PLA2G4A: variants seen among roughly 807,000 people sequenced by gnomAD.
The protein encoded by PLA2G4A is cytosolic phospholipase A2.
In PLA2G4A, 40 loss-of-function variants were observed where a neutral mutation model predicts 81.9. That is an observed-to-expected ratio of 0.49 (90% CI 0.38 to 0.64). PLA2G4A has a LOEUF of 0.64. Ranked by LOEUF, PLA2G4A falls within the 30% of genes least tolerant of loss-of-function variation. The pLI, the probability that PLA2G4A is intolerant of heterozygous loss-of-function variation, is 0.00. For missense variants in PLA2G4A, 715 were observed against 905.1 expected (o/e 0.79, Z 2.69); for synonymous variants, 302 against 296.9 (o/e 1.02, Z -0.18).
At chr1:186,895,348 G>A (rs1654296462) in intron 5 of PLA2G4A, among the ~76,000 whole-genome samples, 2 of 152,180 alleles carry the variant, frequency 1.3e-5, no homozygotes, top group Admixed American at 1.3e-4. Flanking sequence ...GGATGCTCTG[G>A]TCCATGCACT....
At chr1:186,866,256 T>A (rs1170101078) in intron 2 of PLA2G4A, among the ~76,000 whole-genome samples, 7 of 152,222 alleles carry the variant, frequency 4.6e-5, no homozygotes, top group Admixed American at 4.6e-4. Context: ...ACTATTTGGA[T>A]AATCATCGAT....
chr1:186,939,661 G>A (rs995975243), intron 9 of PLA2G4A, among the ~76,000 whole-genome samples: 5 of 152,174 alleles, frequency 3.3e-5, no homozygotes, highest in East Asian at 1.9e-4. Flanking sequence ...TTGATGTTTC[G>A]TTGAAGATAA....
chr1:186,856,510 C>T (rs1652559251), intron 2 of PLA2G4A, among the ~76,000 whole-genome samples: 1 of 151,700 alleles, frequency 6.6e-6, no homozygotes, highest in Non-Finnish European at 1.5e-5. Flanking sequence ...GTGACTTAGC[C>T]TCCCCTGTAG....
chr1:186,832,525 T>G (rs2101992682), intron 1 of PLA2G4A, among the ~76,000 whole-genome samples: 1 of 152,282 alleles, frequency 6.6e-6, no homozygotes, highest in Admixed American at 6.5e-5. Context: ...AGAGTAGAGT[T>G]TTCTATGTCA....
At chr1:186,958,241 A>T (rs892365774) in intron 14 of PLA2G4A, among the ~76,000 whole-genome samples, 44 of 152,226 alleles carry the variant, frequency 2.9e-4, no homozygotes, top group Non-Finnish European at 6.0e-4. Context: ...TCACTATGTT[A>T]TATAGCATAT....
At chr1:186,923,396 A>G (rs185902409) in intron 7 of PLA2G4A, among the ~76,000 whole-genome samples, 1 of 152,354 alleles carries the variant, frequency 6.6e-6, no homozygotes, top group Non-Finnish European at 1.5e-5. Flanking sequence ...TTGTATTGGT[A>G]TACCCTCAAA....
chr1:186,884,625 C>T (rs551037492), intron 3 of PLA2G4A, among the ~76,000 whole-genome samples: 1 of 151,966 alleles, frequency 6.6e-6, no homozygotes, highest in Admixed American at 6.6e-5. Flanking sequence ...GCCTATAATC[C>T]CAGCATTTTG....
chr1:186,971,048 A>C (rs1333799227), intron 15 of PLA2G4A, among the ~76,000 whole-genome samples: 1 of 151,742 alleles, frequency 6.6e-6, no homozygotes, highest in Non-Finnish European at 1.5e-5. Flanking sequence ...ATGTGGATTG[A>C]TATTTTAATT....
At chr1:186,941,702 C>A (rs769228078) in intron 10 of PLA2G4A, among the ~76,000 whole-genome samples, 6 of 152,130 alleles carry the variant, frequency 3.9e-5, no homozygotes, top group Non-Finnish European at 5.9e-5. Flanking sequence ...CAGCAGTCTG[C>A]CGGGCGCTAA....
chr1:186,869,108 G>A (rs984946461), intron 2 of PLA2G4A, among the ~76,000 whole-genome samples: 2 of 151,678 alleles, frequency 1.3e-5, no homozygotes, highest in African/African-American at 4.8e-5. Context: ...GTACCCTAAG[G>A]TGGTAACTTA....
Position 186,939,048 on chromosome 1 carries a change from A to G in PLA2G4A, c.736A>G (p.Lys246Glu). ...TLYSHPDFPEKGPEEINEELM... is the reference protein window; with the variant it reads ...TLYSHPDFPEEGPEEINEELM... ...GTATTCTCACCCTGATTTTCCAGAG[A>G]AAGGGCCAGAGGAGATTAATGAAGA... The change falls in exon 9 of 18, where the codon AAA becomes GAA. Residue 246 changes from lysine (K) to glutamate (E), a missense_variant. By Grantham distance (56) the Lys-to-Glu change is moderately conservative. Transcript: ENST00000367466. The G allele has an allele frequency of 6.2e-7, 1 of 1,610,112 alleles. No homozygotes were observed.
At chr1:186,935,501 A>G (rs999420538) in intron 8 of PLA2G4A, among the ~76,000 whole-genome samples, 4 of 151,796 alleles carry the variant, frequency 2.6e-5, no homozygotes, top group Admixed American at 6.6e-5. Flanking sequence ...AAGATAAAGA[A>G]ATAGAAGATA....
intron 3 of PLA2G4A, among the ~76,000 whole-genome samples, chr1:186,891,883 C>G (rs1654157531): frequency 6.6e-6 from 1 of 152,078 alleles, no homozygotes; most frequent in African/African-American, 2.4e-5. Flanking sequence ...AAATTATTCT[C>G]CATAGTGGTT....
chr1:186,858,877 C>T (rs901108334), intron 2 of PLA2G4A, among the ~76,000 whole-genome samples: 10 of 151,374 alleles, frequency 6.6e-5, no homozygotes, highest in Non-Finnish European at 1.3e-4. Flanking sequence ...TTCTTATTCT[C>T]GCTATGTGTA....
intron 9 of PLA2G4A, among the ~76,000 whole-genome samples, chr1:186,939,477 T>C (rs1656068896): frequency 7.7e-6 from 1 of 130,304 alleles, no homozygotes; most frequent in Admixed American, 8.1e-5. Flanking sequence ...AGTGCTTTTG[T>C]ATTCCTTTTC....
At chr1:186,845,170 A>G (rs377171765) in intron 1 of PLA2G4A, among the ~76,000 whole-genome samples, 2 of 152,244 alleles carry the variant, frequency 1.3e-5, no homozygotes, top group South Asian at 2.1e-4. Context: ...AGATTGCACT[A>G]CACTCCATCC....
At chr1:186,898,417 G>C (rs1474590) in intron 5 of PLA2G4A, among the ~76,000 whole-genome samples, 40,864 of 152,032 alleles carry the variant, frequency 0.27, 5,904 homozygotes, top group Admixed American at 0.41. Context: ...CAACTGTTAT[G>C]TTCCAGACAG....
intron 2 of PLA2G4A, among the ~76,000 whole-genome samples, chr1:186,857,123 C>CTATAATATATATTATATAATTA (rs1298095978): frequency 4.8e-4 from 2 of 4,138 alleles, no homozygotes; most frequent in African/African-American, 2.4e-3. Flanking sequence ...ATATAATATT[C>CTATAATATATATTATATAATTA]TATAATATAT....
chr1:186,909,269 C>G (rs12720559), intron 6 of PLA2G4A, among the ~76,000 whole-genome samples: 6,502 of 150,930 alleles, frequency 0.043, 186 homozygotes, highest in African/African-American at 0.077. Context: ...CCACCGCGCC[C>G]GGCCTTTAAT....
Sources: gnomAD v4.1 joint callset for allele counts (sites outside exome capture counted in the v4.1 genomes callset) on GRCh38, gnomAD v4.1.1 for gene constraint, MANE v1.5 for transcripts, NCBI Gene and HGNC (gene_info 2026-07-23, HGNC 2026-07-21) for gene names.